The following FKBP7 variants were observed in gnomAD, a reference collection of about 807,000 sequenced individuals.
FKBP7 encodes the protein peptidyl-prolyl cis-trans isomerase FKBP7.
FKBP7 carries 24 observed loss-of-function variants against 24.3 expected under a neutral mutation model. The ratio of observed to expected loss-of-function variants is 0.99; its 90% CI spans 0.72 to 1.39. The LOEUF (loss-of-function observed/expected upper bound fraction) is 1.39. Among genes scored for constraint, FKBP7 ranks in the 40% most tolerant of loss-of-function variants. The pLI, the probability that FKBP7 is intolerant of heterozygous loss-of-function variation, is 0.00. For synonymous variants in FKBP7, 98 were observed against 92.8 expected (o/e 1.06, Z -0.32); for missense variants, 257 against 269.5 (o/e 0.95, Z 0.33).
In FKBP7 at chr2:178,478,445, C is replaced by T; in HGVS notation, c.55G>A (p.Gly19Ser). The T allele has an allele frequency of 1.2e-6, 2 of 1,614,182 alleles. No individual in the cohort carries two copies. The highest frequency in any genetic ancestry group is 1.7e-6 in the Non-Finnish European group (2 of 1,180,020). The stretch of plus-strand genomic sequence containing the variant: ...TTTTGTCTCTGAGCAGTAAAAAGGC[C>T]CCACAGATAAAAGAAAACAATGAAT... Reference protein sequence around the residue: ...FRFIVFFYLWGLFTAQRQKKE... With the variant: ...FRFIVFFYLWSLFTAQRQKKE... The change falls in exon 1 of 4, where the codon GGC (glycine) becomes AGC (serine). Residue 19 changes from glycine to serine, a missense_variant. Transcript: ENST00000424785.
intron 2 of FKBP7, among the ~76,000 whole-genome samples, chr2:178,470,276 A>T (rs1397927149): frequency 6.6e-6 from 1 of 152,214 alleles, no homozygotes; most frequent in Non-Finnish European, 1.5e-5. Context: ...CTTTTACATA[A>T]CATTTACATT....
Position 178,477,210 on chromosome 2 carries a change from C to G in FKBP7, c.225G>C (p.Arg75=), listed in dbSNP as rs756987060. The G allele has an allele frequency of 6.2e-7, 1 of 1,607,782 alleles. No homozygotes were observed. Among genetic ancestry groups the G allele is most frequent in the Non-Finnish European group, 8.5e-7 (1 of 1,178,546 alleles). The change falls in exon 2 of 4, where the codon CGG becomes CGC. Residue 75 remains arginine, a synonymous_variant. Transcript: ENST00000424785. ...ATTTGGGGTGGCCTTCATTTTGTGT[C>G]CGGCTATAACAAAAAGCAATACTTA... ...AKDGSKFYCS[R]TQNEGHPKWF... is the part of the protein sequence containing the mutation.
chr2:178,469,468 AG>A (rs1684787562), intron 3 of FKBP7, among the ~76,000 whole-genome samples, 183 bp downstream of exon 3: 1 of 152,190 alleles, frequency 6.6e-6, no homozygotes, highest in African/African-American at 2.4e-5. Flanking sequence ...ATGACTCACA[AG>A]GTTTATACTG....
intron 3 of FKBP7, among the ~76,000 whole-genome samples, chr2:178,468,854 G>A (rs1172979717): frequency 1.3e-5 from 2 of 151,104 alleles, no homozygotes; most frequent in African/African-American, 4.9e-5. Context: ...TAAAATAAAT[G>A]TTATCTATTA....
chr2:178,468,060 G>A (rs1468256647), intron 3 of FKBP7, among the ~76,000 whole-genome samples: 2 of 152,160 alleles, frequency 1.3e-5, no homozygotes, highest in East Asian at 1.9e-4. Context: ...ATATCCTGGT[G>A]TAAGAAGTTG....
intron 2 of FKBP7, among the ~76,000 whole-genome samples, chr2:178,473,480 C>T (rs1684915066): frequency 6.6e-6 from 1 of 152,192 alleles, no homozygotes; most frequent in African/African-American, 2.4e-5. Context: ...ATCTCTGCAG[C>T]AAGTTTCTGA....
At chr2:178,470,559 G>T (rs1559377107) in intron 2 of FKBP7, among the ~76,000 whole-genome samples, 1 of 152,186 alleles carries the variant, frequency 6.6e-6, no homozygotes. Flanking sequence ...AAGTGATTTT[G>T]TGTAGTTATT....
chr2:178,474,840 G>A (rs982648728), intron 2 of FKBP7, among the ~76,000 whole-genome samples: 5 of 152,150 alleles, frequency 3.3e-5, no homozygotes, highest in East Asian at 1.9e-4. Context: ...GGCGGATACC[G>A]CCACGCCTGG....
Position 178,465,932 on chromosome 2 carries a change from C to G in FKBP7, c.508-1G>C, listed in dbSNP as rs1325114741. 11 of 1,587,946 alleles carry G rather than the reference C, an allele frequency of 6.9e-6. No individual in the cohort carries two copies. The highest frequency in any genetic ancestry group is 9.4e-6 in the Non-Finnish European group (11 of 1,170,200). On this transcript the variant is annotated splice_acceptor_variant, in intron 3 of 3. Coordinates refer to ENST00000424785, the MANE Select transcript of FKBP7 (RefSeq NM_181342.3). LOFTEE classifies it high-confidence loss of function. ...ATTCCCTTTGCAAGTAGAGGTTTAT[C>G]TGGAAGGCCAAAATAACATTCCTTT...
In FKBP7 at chr2:178,469,505, G is replaced by A. The variant is rs532416423; in HGVS notation, c.507+147C>T. On this transcript the variant is annotated intron_variant, in intron 3 of 3. Coordinates refer to ENST00000424785, the MANE Select transcript of FKBP7 (RefSeq NM_181342.3). ...AAAAAGCTTAGAGCTTTTTCTAAGC[G>A]CTTAGATTATTTTTTAGTGACCAGC... 785 of 806,574 alleles carry A rather than the reference G, an allele frequency of 9.7e-4. 7 individuals carry two copies. The African/African-American group carries it at 0.013, about 13-fold the overall frequency. The allele number at this position is 806,574 out of a possible 1,614,324, so 50.0% of individuals were successfully genotyped here. A position where few individuals can be genotyped will look rare whatever the true frequency, so the allele number is the denominator to read the frequency against.
intron 2 of FKBP7, chr2:178,473,133 C>A (rs950171396): frequency 7.8e-7 from 1 of 1,282,110 alleles, no homozygotes; most frequent in Admixed American, 2.3e-5. Flanking sequence ...AAGACTTCTT[C>A]AAGTACTACC....
chr2:178,475,829 C>T (rs908168444), intron 2 of FKBP7, among the ~76,000 whole-genome samples: 5 of 152,040 alleles, frequency 3.3e-5, no homozygotes, highest in African/African-American at 9.7e-5. Context: ...ACATTTTTCC[C>T]GCTTATTTGC....
intron 3 of FKBP7, among the ~76,000 whole-genome samples, chr2:178,469,378 A>G (rs1022416421): frequency 1.3e-5 from 2 of 152,204 alleles, no homozygotes; most frequent in African/African-American, 4.8e-5. Flanking sequence ...AGTGTAATCT[A>G]GAAACTGGAA....
In FKBP7 at chr2:178,478,524, C is replaced by G. The variant is rs1348580165; in HGVS notation, c.-25G>C. The G allele has an allele frequency of 2.5e-6, 4 of 1,611,666 alleles. No homozygotes were observed. In the East Asian group the frequency reaches 8.9e-5, roughly 36 times the overall value. ...TCGGCTCCAGCAGAACACTGCTCTC[C>G]CTCCCGCGTGTCACTCGCGCCCCGT... is the stretch of plus-strand genomic sequence containing the variant. On this transcript the variant is annotated 5_prime_UTR_variant, in exon 1 of 4. Transcript: ENST00000424785.
intron 2 of FKBP7, among the ~76,000 whole-genome samples, chr2:178,470,181 T>C (rs1421678983): frequency 6.6e-6 from 1 of 152,190 alleles, no homozygotes; most frequent in East Asian, 1.9e-4. Flanking sequence ...AAAATATTCA[T>C]ACAAAAAAAG....
At chr2:178,471,621 C>G (rs1684849196) in intron 2 of FKBP7, among the ~76,000 whole-genome samples, 1 of 152,192 alleles carries the variant, frequency 6.6e-6, no homozygotes, top group South Asian at 2.1e-4. Context: ...CTTGTGTCAT[C>G]AGTATATTGC....
At chr2:178,469,537 A>T (rs1284733815) in intron 3 of FKBP7, 115 bp downstream of exon 3, 1 of 1,066,840 alleles carries the variant, frequency 9.4e-7, no homozygotes, top group Non-Finnish European at 1.4e-6. Context: ...CAGCTCTATA[A>T]AAGCAGTGAT....
chr2:178,473,064 T>C (rs1684898465), intron 2 of FKBP7: 1 of 1,305,276 alleles, frequency 7.7e-7, no homozygotes, highest in African/African-American at 1.5e-5. Flanking sequence ...ACAAGTCACA[T>C]GCATTTCAAG....
chr2:178,472,609 G>A (rs1346930598), intron 2 of FKBP7, among the ~76,000 whole-genome samples: 1 of 151,622 alleles, frequency 6.6e-6, no homozygotes, highest in Non-Finnish European at 1.5e-5. Flanking sequence ...ACTGCGCCTG[G>A]CCAGGAGGGC....
Sources: gnomAD v4.1 joint callset for allele counts (sites outside exome capture counted in the v4.1 genomes callset) on GRCh38, gnomAD v4.1.1 for gene constraint, MANE v1.5 for transcripts, NCBI Gene and HGNC (gene_info 2026-07-23, HGNC 2026-07-21) for gene names.